Variants in RIT1 observed in about 807,000 individuals in gnomAD.
RIT1 encodes the protein Ras like without CAAX 1, also known as GTP-binding protein Rit1.
Under a neutral mutation model 25.6 loss-of-function variants are expected in RIT1, and 6 were observed. That is an observed-to-expected ratio of 0.23 (90% CI 0.13 to 0.46). The LOEUF is 0.46. RIT1 is among the 20% of genes least tolerant of loss of function. The pLI is 0.99. For synonymous variants in RIT1, 81 were observed against 94.1 expected (o/e 0.86, Z 0.80); for missense variants, 219 against 284.4 (o/e 0.77, Z 1.65).
At chr1:155,906,722 T>G (rs1401601445) in intron 3 of RIT1, among the ~76,000 whole-genome samples, 1 of 127,582 alleles carries the variant, frequency 7.8e-6, no homozygotes, top group South Asian at 2.4e-4. Flanking sequence ...ATTGTGCCAC[T>G]GGACTCTAGC....
chr1:155,907,252 T>C (rs1673464243), intron 3 of RIT1, among the ~76,000 whole-genome samples: 1 of 151,892 alleles, frequency 6.6e-6, no homozygotes, highest in Admixed American at 6.6e-5. Context: ...TTTTTTTTTT[T>C]TTTTTGAGGC....
Position 155,902,361 on chromosome 1 carries a change from CA to C in RIT1, c.430-1744del, listed in dbSNP as rs199556134. ...ATAAAGTTTAAAAATGCTTTTATAT[CA>C]AAAAAAAAAAAAAGAAAAGAAAAAT... On this transcript the variant is annotated intron_variant, in intron 5 of 5. Coordinates refer to ENST00000368323, the MANE Select transcript of RIT1 (RefSeq NM_006912.6). Among the ~76,000 whole-genome samples, 704 of 137,720 alleles carry C rather than the reference CA, an allele frequency of 5.1e-3. 3 individuals carry two copies. Among genetic ancestry groups the C allele is most frequent in the African/African-American group, 8.6e-3 (325 of 37,750 alleles). The allele number at this position is 137,720 out of a possible 152,430, so 90.3% of individuals were successfully genotyped here.
intron 5 of RIT1, among the ~76,000 whole-genome samples, chr1:155,902,845 AAC>A (rs1425925833): frequency 6.6e-6 from 1 of 151,590 alleles, no homozygotes; most frequent in Non-Finnish European, 1.5e-5. Context: ...TCTGTCTCAA[AAC>A]AACAAAATTA....
intron 3 of RIT1, among the ~76,000 whole-genome samples, chr1:155,909,518 A>G (rs1673537040): frequency 6.6e-6 from 1 of 152,236 alleles, no homozygotes; most frequent in Non-Finnish European, 1.5e-5. Context: ...GAATGACAGT[A>G]ATGTTCTTAG....
rs11387126 is a variant in RIT1 at position 155,910,963 on chromosome 1, A to AC, written c.-43-160dup. 0.014 allele frequency: 20,479 copies of AC among 1,431,096 alleles called. 1,295 individuals are homozygous for AC. The African/African-American group carries it at 0.2, about 14-fold the overall frequency. The allele number at this position is 1,431,096 out of a possible 1,614,324, so 88.6% of individuals were successfully genotyped here. A position where few individuals can be genotyped will look rare whatever the true frequency, so the allele number is the denominator to read the frequency against. The stretch of plus-strand genomic sequence containing the variant: ...GCACCCTTTCGGGTGGCCCTAAGAA[A>AC]CCCCCCCATCTTCACCCTCCCTCCT... On this transcript the variant is annotated intron_variant, in intron 1 of 5. Coordinates refer to ENST00000368323, the MANE Select transcript of RIT1 (RefSeq NM_006912.6).
chr1:155,906,921 T>C (rs942595621), intron 3 of RIT1, among the ~76,000 whole-genome samples: 9 of 151,632 alleles, frequency 5.9e-5, no homozygotes, highest in Admixed American at 1.3e-4. Flanking sequence ...GCCTGGGCAA[T>C]AGAGCGAGAC....
In RIT1 at chr1:155,904,789, A is replaced by G; in HGVS notation, c.179T>C (p.Ile60Thr). The change falls in exon 4 of 6, where the codon ATC becomes ACC. Residue 60 changes from isoleucine to threonine, a missense_variant. Ile to Thr is a moderately conservative substitution (Grantham distance 89). Coordinates refer to ENST00000368323, the MANE Select transcript of RIT1 (RefSeq NM_006912.6). ...HDPTIEDAYK[I>T]RIRIDDEPAN... ...AGGCTCATCATCAATACGGATCCTG[A>G]TCTTATAAGCATCTTCTACAGGAGG... is the stretch of plus-strand genomic sequence containing the variant. 1 of 1,610,584 alleles carries G rather than the reference A, an allele frequency of 6.2e-7. No individual in the cohort carries two copies.
intron 5 of RIT1, 39 bp from the exon 6 acceptor site, chr1:155,900,657 A>G: frequency 6.4e-7 from 1 of 1,558,638 alleles, no homozygotes; most frequent in Non-Finnish European, 8.8e-7. Context: ...ACAGTGAAAA[A>G]CAATTAAATT....
At chr1:155,900,860 C>A (rs1472411031) in intron 5 of RIT1, among the ~76,000 whole-genome samples, 1 of 151,976 alleles carries the variant, frequency 6.6e-6, no homozygotes, top group African/African-American at 2.4e-5. Flanking sequence ...TTCTTGTTGC[C>A]CAGATTGGAG....
At chr1:155,909,684 G>C (rs1673541273) in intron 3 of RIT1, among the ~76,000 whole-genome samples, 1 of 152,146 alleles carries the variant, frequency 6.6e-6, no homozygotes, top group Admixed American at 6.5e-5. Flanking sequence ...TACTTTTCGA[G>C]GCTGAGGTGG....
At chr1:155,907,261 G>A (rs1338001893) in intron 3 of RIT1, among the ~76,000 whole-genome samples, 2 of 147,394 alleles carry the variant, frequency 1.4e-5, no homozygotes, top group Non-Finnish European at 3.0e-5. Flanking sequence ...TTTTTTTGAG[G>A]CAAAGTCTCA....
chr1:155,910,203 A>C (rs1673561605), intron 3 of RIT1: 1 of 495,140 alleles, frequency 2.0e-6, no homozygotes, highest in Non-Finnish European at 3.6e-6. Context: ...AACCATAAAA[A>C]AATACAACAA....
At chr1:155,911,037 G>C in intron 1 of RIT1, 2 of 939,024 alleles carry the variant, frequency 2.1e-6, no homozygotes, top group Non-Finnish European at 3.2e-6. Flanking sequence ...TTTCCAAAGA[G>C]AAAAATAAAA....
At chr1:155,905,058 G>A (rs554292923) in intron 3 of RIT1, among the ~76,000 whole-genome samples, 3 of 152,312 alleles carry the variant, frequency 2.0e-5, no homozygotes, top group South Asian at 2.1e-4. Context: ...AGGATTCTGA[G>A]AAGATGTCTT....
chr1:155,905,941 C>T (rs189783622), intron 3 of RIT1, among the ~76,000 whole-genome samples: 185 of 152,164 alleles, frequency 1.2e-3, no homozygotes, highest in Non-Finnish European at 2.0e-3. Context: ...GATTCTCCTG[C>T]CTCAGCCTCC....
chr1:155,903,970 C>T (rs574970215), intron 5 of RIT1, among the ~76,000 whole-genome samples: 29 of 152,332 alleles, frequency 1.9e-4, no homozygotes, highest in Admixed American at 7.8e-4. Flanking sequence ...TAGCCCCAAC[C>T]TCACTGCAAC....
At chr1:155,909,827 CAGG>C (rs1673546124) in intron 3 of RIT1, among the ~76,000 whole-genome samples, 1 of 146,934 alleles carries the variant, frequency 6.8e-6, no homozygotes, top group Non-Finnish European at 1.5e-5. Flanking sequence ...GAGGCTGAGG[CAGG>C]AGAATTGCTT....
At chr1:155,903,452 C>CAAAAAAAAAAA (rs1192641376) in intron 5 of RIT1, among the ~76,000 whole-genome samples, 1 of 53,726 alleles carries the variant, frequency 1.9e-5, no homozygotes, top group Non-Finnish European at 3.5e-5. Context: ...GACTCTGTCT[C>CAAAAAAAAAAA]AAAAAAAAAA....
At chr1:155,902,836 C>T (rs1673339910) in intron 5 of RIT1, among the ~76,000 whole-genome samples, 1 of 151,558 alleles carries the variant, frequency 6.6e-6, no homozygotes, top group African/African-American at 2.4e-5. Context: ...GAGTGAGACT[C>T]TGTCTCAAAA....
Sources: gnomAD v4.1 joint callset for allele counts (sites outside exome capture counted in the v4.1 genomes callset) on GRCh38, gnomAD v4.1.1 for gene constraint, MANE v1.5 for transcripts, NCBI Gene and HGNC (gene_info 2026-07-23, HGNC 2026-07-21) for gene names.